QNG1: variants seen among roughly 807,000 people sequenced by gnomAD.
QNG1 encodes the protein Q-nucleotide N-glycosylase 1.
chr9:83,946,177 C>T, the QNG1 span, among the ~76,000 whole-genome samples: 6 of 151,844 alleles, frequency 4.0e-5, no homozygotes, highest in East Asian at 2.0e-4. Flanking sequence ...TGGTGGCGAT[C>T]GCCTGTAGTC....
At chr9:83,948,107 G>A in the QNG1 span, among the ~76,000 whole-genome samples, 1 of 151,398 alleles carries the variant, frequency 6.6e-6, no homozygotes, top group African/African-American at 2.4e-5. Context: ...GAGATGTGGG[G>A]AGCGCCTCTG....
chr9:83,940,215 G>A, the QNG1 span, among the ~76,000 whole-genome samples: 3 of 151,996 alleles, frequency 2.0e-5, no homozygotes, highest in Admixed American at 1.3e-4. Flanking sequence ...GACCAGCCTG[G>A]GCAACATGAC....
the QNG1 span, among the ~76,000 whole-genome samples, chr9:83,947,642 T>C: frequency 1.3e-5 from 2 of 152,234 alleles, no homozygotes; most frequent in South Asian, 2.1e-4. Context: ...GACTGCCAAG[T>C]GCCTGGGATT....
At chr9:83,944,901 T>G in the QNG1 span, 3 of 1,613,630 alleles carry the variant, frequency 1.9e-6, no homozygotes, top group African/African-American at 4.0e-5. Flanking sequence ...GGAGATGTCC[T>G]TGAAGCAGCC....
chr9:83,941,703 A>G, the QNG1 span, among the ~76,000 whole-genome samples: 1 of 152,118 alleles, frequency 6.6e-6, no homozygotes, highest in South Asian at 2.1e-4. Context: ...ACCTGAGGTT[A>G]GGAATTCGAG....
At chr9:83,941,075 C>T in the QNG1 span, among the ~76,000 whole-genome samples, 2 of 152,188 alleles carry the variant, frequency 1.3e-5, no homozygotes, top group African/African-American at 2.4e-5. Flanking sequence ...GACGCTCCCA[C>T]CCGAGTAGAG....
the QNG1 span, among the ~76,000 whole-genome samples, chr9:83,954,069 AT>A: frequency 1.3e-5 from 2 of 151,886 alleles, no homozygotes; most frequent in African/African-American, 2.4e-5. Context: ...TAATTTTTGT[AT>A]TTTTAGTAGA....
the QNG1 span, among the ~76,000 whole-genome samples, chr9:83,946,630 T>C: frequency 1.3e-5 from 2 of 152,234 alleles, no homozygotes; most frequent in Admixed American, 1.3e-4. Flanking sequence ...CTTACACTTG[T>C]AATCCCATCA....
the QNG1 span, among the ~76,000 whole-genome samples, chr9:83,948,008 C>T: frequency 6.8e-6 from 1 of 146,480 alleles, no homozygotes; most frequent in Non-Finnish European, 1.5e-5. Flanking sequence ...TCTGCCCGGC[C>T]GCCCAGTCTG....
the QNG1 span, chr9:83,956,702 A>AC: frequency 2.3e-6 from 1 of 437,066 alleles, no homozygotes; most frequent in East Asian, 3.5e-5. Flanking sequence ...AACCAGAGAG[A>AC]CCCCGGGGCA....
chr9:83,944,675 A>G, the QNG1 span: 3 of 726,896 alleles, frequency 4.1e-6, no homozygotes, highest in Non-Finnish European at 6.6e-6. Context: ...TCCTTTTTAC[A>G]TATACTATGA....
chr9:83,948,537 GC>G, the QNG1 span, among the ~76,000 whole-genome samples: 1 of 150,082 alleles, frequency 6.7e-6, no homozygotes, highest in South Asian at 2.1e-4. Flanking sequence ...CTGCCTGGCC[GC>G]CCCGTCTGGG....
At chr9:83,953,483 G>C in the QNG1 span, among the ~76,000 whole-genome samples, 1 of 151,142 alleles carries the variant, frequency 6.6e-6, no homozygotes. Context: ...GAGTAGCTGG[G>C]ATTACAGGCA....
At chr9:83,939,208 G>T in the QNG1 span, 13 of 265,048 alleles carry the variant, frequency 4.9e-5, no homozygotes, top group Non-Finnish European at 8.8e-5. Flanking sequence ...CAAGTAACTG[G>T]GATTACAGGC....
chr9:83,956,182 TGAC>T, the QNG1 span: 1 of 1,611,358 alleles, frequency 6.2e-7, no homozygotes, highest in African/African-American at 1.3e-5. Flanking sequence ...AGGGCTCTGT[TGAC>T]GGCGGCGCAC....
chr9:83,938,644 G>A, the QNG1 span: 1 of 149,936 alleles, frequency 6.7e-6, no homozygotes. Context: ...GTTCCTTCAC[G>A]ATTTCCGTCA....
chr9:83,940,591 G>A, the QNG1 span, among the ~76,000 whole-genome samples: 1 of 152,136 alleles, frequency 6.6e-6, no homozygotes, highest in East Asian at 1.9e-4. Flanking sequence ...AGTGAGCGAG[G>A]TAGTGTACAT....
the QNG1 span, chr9:83,944,894 G>C: frequency 4.5e-4 from 731 of 1,613,834 alleles, 3 homozygotes; most frequent in Middle Eastern, 2.8e-3. Flanking sequence ...TGATACTGGA[G>C]ATGTCCTTGA....
chr9:83,953,047 T>A, the QNG1 span, among the ~76,000 whole-genome samples: 1 of 151,168 alleles, frequency 6.6e-6, no homozygotes, highest in Non-Finnish European at 1.5e-5. Flanking sequence ...GGTAGGCAGA[T>A]CACTTGAGGT....
Sources: gnomAD v4.1 joint callset for allele counts (sites outside exome capture counted in the v4.1 genomes callset) on GRCh38, gnomAD v4.1.1 for gene constraint, MANE v1.5 for transcripts, NCBI Gene and HGNC (gene_info 2026-07-23, HGNC 2026-07-21) for gene names.